Variants in PPARGC1A observed in about 807,000 individuals in gnomAD.
PPARGC1A encodes PPARG coactivator 1 alpha, also known as peroxisome proliferator-activated receptor gamma coactivator 1-alpha.
Under a neutral mutation model 88.7 loss-of-function variants are expected in PPARGC1A, and 25 were observed. That is an observed-to-expected ratio of 0.28 (90% CI 0.21 to 0.39). The LOEUF (loss-of-function observed/expected upper bound fraction) is 0.39, where lower values mean the gene tolerates loss of function less well. PPARGC1A is among the 10% of genes least tolerant of loss of function. The pLI is 1.00. For synonymous variants in PPARGC1A, 363 were observed against 355.6 expected (o/e 1.02, Z -0.24); for missense variants, 880 against 968.7 (o/e 0.91, Z 1.22).
chr4:24,329,025 C>T, the PPARGC1A span, among the ~76,000 whole-genome samples: 1 of 152,174 alleles, frequency 6.6e-6, no homozygotes. Context: ...CTGACCCTGG[C>T]TGCCCAGCAA....
the PPARGC1A span, among the ~76,000 whole-genome samples, chr4:24,389,719 C>T: frequency 6.6e-6 from 1 of 152,128 alleles, no homozygotes; most frequent in Admixed American, 6.6e-5. Flanking sequence ...GCATGCATAG[C>T]ATTATTTGCA....
chr4:24,119,173 T>C, the PPARGC1A span, among the ~76,000 whole-genome samples: 2 of 152,132 alleles, frequency 1.3e-5, no homozygotes, highest in African/African-American at 2.4e-5. Flanking sequence ...TAAAAGATCT[T>C]TGATCAAAAT....
chr4:24,424,401 G>A, the PPARGC1A span, among the ~76,000 whole-genome samples: 3 of 149,556 alleles, frequency 2.0e-5, no homozygotes, highest in African/African-American at 7.4e-5. Flanking sequence ...TCAGCCTCCC[G>A]AGTAGCTGGG....
At chr4:23,865,014 T>C (rs1427601412) in intron 2 of PPARGC1A, among the ~76,000 whole-genome samples, 1 of 152,048 alleles carries the variant, frequency 6.6e-6, no homozygotes, top group Non-Finnish European at 1.5e-5. Flanking sequence ...TGAGACCCCA[T>C]CTCCACTAAA....
chr4:24,462,374 G>C, the PPARGC1A span, among the ~76,000 whole-genome samples: 1 of 151,860 alleles, frequency 6.6e-6, no homozygotes, highest in Non-Finnish European at 1.5e-5. Flanking sequence ...TGGGATTACA[G>C]GTGTGAGCCA....
the PPARGC1A span, among the ~76,000 whole-genome samples, chr4:24,401,808 G>A: frequency 1.3e-5 from 2 of 152,326 alleles, no homozygotes; most frequent in East Asian, 1.9e-4. Context: ...CTGATGAGAG[G>A]TGAGTGGGTT....
the PPARGC1A span, among the ~76,000 whole-genome samples, chr4:23,971,504 A>T: frequency 1.3e-5 from 2 of 152,038 alleles, no homozygotes; most frequent in African/African-American, 2.4e-5. Context: ...CTGCAGGCTG[A>T]GGAGCAAGGA....
chr4:24,141,964 A>G, the PPARGC1A span, among the ~76,000 whole-genome samples: 2 of 152,208 alleles, frequency 1.3e-5, no homozygotes, highest in African/African-American at 4.8e-5. Context: ...CGTGGCATCC[A>G]GCTAAAAATG....
At chr4:24,247,176 G>A in the PPARGC1A span, among the ~76,000 whole-genome samples, 1 of 152,088 alleles carries the variant, frequency 6.6e-6, no homozygotes, top group Non-Finnish European at 1.5e-5. Flanking sequence ...GTTCTCTAAT[G>A]CCCTACATCC....
chr4:23,973,591 T>A, the PPARGC1A span, among the ~76,000 whole-genome samples: 94 of 152,350 alleles, frequency 6.2e-4, no homozygotes, highest in Non-Finnish European at 1.0e-3. Context: ...ATTTTATGCA[T>A]CTCTTCTCTT....
At chr4:24,302,159 C>A in the PPARGC1A span, among the ~76,000 whole-genome samples, 1 of 152,108 alleles carries the variant, frequency 6.6e-6, no homozygotes, top group Admixed American at 6.6e-5. Flanking sequence ...TCAGCATGAA[C>A]AAGGAAATGG....
chr4:24,046,215 C>CA, the PPARGC1A span, among the ~76,000 whole-genome samples: 1 of 152,012 alleles, frequency 6.6e-6, no homozygotes, highest in Admixed American at 6.6e-5. Flanking sequence ...GTCAGGAAAA[C>CA]AAAAAAGCAA....
the PPARGC1A span, among the ~76,000 whole-genome samples, chr4:24,259,216 G>A: frequency 6.6e-6 from 1 of 152,174 alleles, no homozygotes; most frequent in Non-Finnish European, 1.5e-5. Context: ...CTGGCCCTGA[G>A]TTTTCCCAAA....
intron 5 of PPARGC1A, among the ~76,000 whole-genome samples, chr4:23,826,422 C>A (rs1490891203): frequency 6.6e-6 from 1 of 151,948 alleles, no homozygotes; most frequent in Non-Finnish European, 1.5e-5. Context: ...AATAAATGAA[C>A]AAATAAATGA....
intron 2 of PPARGC1A, among the ~76,000 whole-genome samples, chr4:23,832,172 C>A (rs1440271779): frequency 6.6e-6 from 1 of 152,016 alleles, no homozygotes; most frequent in Non-Finnish European, 1.5e-5. Context: ...TACAGCATAC[C>A]CCCCAAACTG....
the PPARGC1A span, among the ~76,000 whole-genome samples, chr4:24,312,185 C>A: frequency 6.6e-6 from 1 of 152,208 alleles, no homozygotes; most frequent in Non-Finnish European, 1.5e-5. Flanking sequence ...CACCAATGAA[C>A]TTATGACAAC....
chr4:24,017,179 C>T, the PPARGC1A span, among the ~76,000 whole-genome samples: 27 of 152,246 alleles, frequency 1.8e-4, no homozygotes, highest in African/African-American at 6.0e-4. Context: ...TTTTAAAAGA[C>T]AGTCCAATGC....
chr4:24,317,036 T>C, the PPARGC1A span, among the ~76,000 whole-genome samples: 7 of 152,154 alleles, frequency 4.6e-5, no homozygotes, highest in Admixed American at 1.3e-4. Context: ...AAGAATTTTA[T>C]GGCTTAATCC....
the PPARGC1A span, among the ~76,000 whole-genome samples, chr4:24,425,909 G>A: frequency 2.0e-5 from 3 of 152,126 alleles, no homozygotes; most frequent in Non-Finnish European, 4.4e-5. Flanking sequence ...AGCTAACAAC[G>A]AAATAACAAG....
Sources: gnomAD v4.1 joint callset for allele counts (sites outside exome capture counted in the v4.1 genomes callset) on GRCh38, gnomAD v4.1.1 for gene constraint, MANE v1.5 for transcripts, NCBI Gene and HGNC (gene_info 2026-07-23, HGNC 2026-07-21) for gene names.